Variants in TSPAN18 observed in about 807,000 individuals in gnomAD.
The protein encoded by TSPAN18 is tetraspanin-18.
TSPAN18 carries 14 observed loss-of-function variants against 27.3 expected under a neutral mutation model. That is an observed-to-expected ratio of 0.51 (90% confidence interval 0.34 to 0.80). The LOEUF is 0.80. TSPAN18 is among the 30% of genes least tolerant of loss of function. The probability of loss-of-function intolerance (pLI) is 0.01; values close to 1 mark genes in which losing one functional copy is unlikely to be tolerated. For missense variants in TSPAN18, 268 were observed against 323.9 expected (o/e 0.83, Z 1.32); for synonymous variants, 143 against 136.5 (o/e 1.05, Z -0.33).
At chr11:44,771,594 T>G (rs1174806485) in intron 2 of TSPAN18, among the ~76,000 whole-genome samples, 2 of 152,228 alleles carry the variant, frequency 1.3e-5, no homozygotes, top group Admixed American at 1.3e-4. Flanking sequence ...AGATAGGATA[T>G]CAGGATATAT....
At chr11:44,738,935 A>G (rs74980176) in intron 1 of TSPAN18, among the ~76,000 whole-genome samples, 3,682 of 152,300 alleles carry the variant, frequency 0.024, 66 homozygotes, top group East Asian at 0.074. Flanking sequence ...TGTAAAACCC[A>G]GGTAGTCCGA....
intron 2 of TSPAN18, among the ~76,000 whole-genome samples, chr11:44,772,023 G>A (rs937148050): frequency 6.6e-6 from 1 of 152,172 alleles, no homozygotes; most frequent in African/African-American, 2.4e-5. Flanking sequence ...CCAGTCCAAG[G>A]GCAGGAGAAG....
chr11:44,872,095 T>A (rs1858212528), intron 3 of TSPAN18, among the ~76,000 whole-genome samples: 1 of 151,736 alleles, frequency 6.6e-6, no homozygotes, highest in Admixed American at 6.6e-5. Flanking sequence ...CCTGGCTAAT[T>A]TTTTTTTGTA....
At chr11:44,857,327 A>G (rs567085845) in intron 2 of TSPAN18, among the ~76,000 whole-genome samples, 5 of 152,332 alleles carry the variant, frequency 3.3e-5, no homozygotes, top group African/African-American at 1.2e-4. Flanking sequence ...CAAGGCTCAG[A>G]GAGGTGGGTT....
chr11:44,897,797 T>C, intron 3 of TSPAN18: 2 of 1,288,936 alleles, frequency 1.6e-6, no homozygotes, highest in Non-Finnish European at 2.0e-6. Flanking sequence ...GACGGGAGAG[T>C]CTGTCCTGCT....
At position 44,804,992 on chromosome 11, in the gene TSPAN18, A is replaced by G. The variant is rs143862503; in HGVS notation, c.-153+40480A>G. Among the ~76,000 whole-genome samples, 5 of 152,320 alleles carry G rather than the reference A, an allele frequency of 3.3e-5. No homozygotes were observed. In the East Asian group the frequency reaches 7.7e-4, roughly 24 times the overall value. The stretch of plus-strand genomic sequence containing the variant: ...GAAGAAGTCAGTTTGTGGAGAAATA[A>G]TAGATCTTCTCCTGGTCGGCTGTTA... On this transcript the variant is annotated intron_variant, in intron 2 of 9. Coordinates refer to ENST00000520358, the MANE Select transcript of TSPAN18 (RefSeq NM_130783.5).
chr11:44,882,567 A>G (rs1858517204), intron 3 of TSPAN18, among the ~76,000 whole-genome samples: 1 of 144,288 alleles, frequency 6.9e-6, no homozygotes, highest in South Asian at 2.2e-4. Flanking sequence ...CCACCTCACC[A>G]GGAAATGGTC....
At chr11:44,805,677 G>GATT (rs1297837270) in intron 2 of TSPAN18, among the ~76,000 whole-genome samples, 84 of 152,318 alleles carry the variant, frequency 5.5e-4, no homozygotes, top group African/African-American at 2.0e-3. Flanking sequence ...AACAAAAGAT[G>GATT]TAATCTCTCA....
chr11:44,840,425 A>G (rs1857350411), intron 2 of TSPAN18, among the ~76,000 whole-genome samples: 1 of 152,182 alleles, frequency 6.6e-6, no homozygotes, highest in African/African-American at 2.4e-5. Context: ...TTGGCAGGTG[A>G]TCTTGCTTAA....
rs192991705 is a variant in TSPAN18, at chr11:44,837,377, G to A, written c.-152-22951G>A. ...AGGCTGAGGCTGTGACTGAATTGCC[G>A]CAATCTCATGATAAAGCCTTAGTGG... On this transcript the variant is annotated intron_variant, in intron 2 of 9. Coordinates refer to ENST00000520358, the MANE Select transcript of TSPAN18 (RefSeq NM_130783.5). Among the ~76,000 whole-genome samples the A allele has an allele frequency of 8.7e-4, 132 of 152,322 alleles. 1 individual carries two copies. The Middle Eastern group carries it at 0.01, about 12-fold the overall frequency.
chr11:44,843,115 T>C (rs1438477478), intron 2 of TSPAN18, among the ~76,000 whole-genome samples: 1 of 152,284 alleles, frequency 6.6e-6, no homozygotes, highest in African/African-American at 2.4e-5. Context: ...CAGTAGTTTG[T>C]TCTTCTGTAT....
chr11:44,747,991 C>T (rs1855119780), intron 1 of TSPAN18, among the ~76,000 whole-genome samples: 1 of 152,242 alleles, frequency 6.6e-6, no homozygotes, highest in Admixed American at 6.5e-5. Context: ...GACTTCGGTT[C>T]TCTCTCTGTC....
intron 8 of TSPAN18, 30 bp downstream of exon 8, chr11:44,920,029 T>A (rs1242887488): frequency 3.1e-6 from 5 of 1,599,044 alleles, no homozygotes; most frequent in Admixed American, 1.7e-5. Context: ...GACAGGGGAG[T>A]GGGTCTATCG....
intron 3 of TSPAN18, among the ~76,000 whole-genome samples, chr11:44,898,711 C>T (rs1859152918): frequency 1.3e-5 from 2 of 152,206 alleles, no homozygotes; most frequent in Non-Finnish European, 2.9e-5. Context: ...TTATAACAGA[C>T]CCACTCTCAG....
chr11:44,894,293 C>T (rs929019603), intron 3 of TSPAN18, among the ~76,000 whole-genome samples: 9 of 152,202 alleles, frequency 5.9e-5, no homozygotes, highest in Non-Finnish European at 1.3e-4. Flanking sequence ...AACGCAGTTG[C>T]AGGGGAACAC....
chr11:44,858,505 C>T (rs1032707373), intron 2 of TSPAN18, among the ~76,000 whole-genome samples: 10 of 152,138 alleles, frequency 6.6e-5, no homozygotes, highest in Non-Finnish European at 1.5e-5. Context: ...TGAGGGTGTG[C>T]CTGAATGTTC....
chr11:44,815,482 C>T (rs1346570561), intron 2 of TSPAN18, among the ~76,000 whole-genome samples: 1 of 152,004 alleles, frequency 6.6e-6, no homozygotes, highest in Non-Finnish European at 1.5e-5. Context: ...CCTGCCCAGC[C>T]GAGGTGTGTT....
intron 3 of TSPAN18, among the ~76,000 whole-genome samples, chr11:44,883,063 C>A (rs1343204371): frequency 6.6e-6 from 1 of 152,182 alleles, no homozygotes; most frequent in Non-Finnish European, 1.5e-5. Flanking sequence ...CAAGCTCAGG[C>A]ACTGGGCACC....
At chr11:44,822,098 G>A (rs1261834672) in intron 2 of TSPAN18, among the ~76,000 whole-genome samples, 2 of 152,172 alleles carry the variant, frequency 1.3e-5, no homozygotes, top group African/African-American at 2.4e-5. Context: ...AGGAAAGGTG[G>A]GGTGGGGGTA....
Sources: allele counts gnomAD v4.1 joint callset (sites outside exome capture counted in the v4.1 genomes callset), GRCh38; gene constraint gnomAD v4.1.1; transcripts MANE v1.5; gene names NCBI Gene and HGNC (gene_info 2026-07-23, HGNC 2026-07-21).